The following KAZN variants were observed in gnomAD, a reference collection of about 807,000 sequenced individuals.
The protein encoded by KAZN is kazrin.
KAZN carries 40 observed loss-of-function variants against 87.4 expected under a neutral mutation model. That is an observed-to-expected ratio of 0.46 (90% CI 0.36 to 0.60). The LOEUF (loss-of-function observed/expected upper bound fraction) is 0.60. KAZN is among the 20% of genes least tolerant of loss of function. The pLI is 0.00. For missense variants in KAZN, 898 were observed against 1,073.9 expected, an observed-to-expected ratio of 0.84 and a Z score of 2.29; for synonymous variants, 466 against 458.3, an observed-to-expected ratio of 1.02 and a Z score of -0.22.
At chr1:14,261,777 ATTGTTCCTGAAGTCTGTC>A (rs967097194) in intron 2 of KAZN, among the ~76,000 whole-genome samples, 41 of 152,168 alleles carry the variant, frequency 2.7e-4, no homozygotes, top group African/African-American at 9.2e-4. Flanking sequence ...GCTTAAACGA[ATTGTTCCTGAAGTCTGTC>A]TTGCGGTACT....
intron 2 of KAZN, among the ~76,000 whole-genome samples, chr1:14,200,742 T>C (rs776690338): frequency 6.6e-6 from 1 of 152,218 alleles, no homozygotes; most frequent in Admixed American, 6.5e-5. Flanking sequence ...TTTATTTTTC[T>C]AAGCGAAGTA....
At chr1:14,086,481 C>T (rs1004996625) in intron 1 of KAZN, among the ~76,000 whole-genome samples, 1 of 151,990 alleles carries the variant, frequency 6.6e-6, no homozygotes, top group Non-Finnish European at 1.5e-5. Flanking sequence ...CTATGGTTTG[C>T]CTTTTCATTT....
At chr1:14,963,082 T>G (rs771196347) in intron 2 of KAZN, among the ~76,000 whole-genome samples, 1 of 150,716 alleles carries the variant, frequency 6.6e-6, no homozygotes, top group Non-Finnish European at 1.5e-5. Flanking sequence ...CCTCCTCCCT[T>G]TAGCCCACAA....
chr1:14,425,832 C>G (rs1163517248), intron 2 of KAZN, among the ~76,000 whole-genome samples: 1 of 152,178 alleles, frequency 6.6e-6, no homozygotes, highest in East Asian at 1.9e-4. Flanking sequence ...TCCCAGGTCA[C>G]CTGGCTAGTG....
intron 1 of KAZN, among the ~76,000 whole-genome samples, chr1:14,139,976 A>G (rs71510957): frequency 2.7e-3 from 85 of 30,954 alleles, no homozygotes; most frequent in East Asian, 0.015. Flanking sequence ...TGTGGTATGT[A>G]TGTGTGTGTG....
intron 1 of KAZN, among the ~76,000 whole-genome samples, chr1:14,145,585 C>A (rs569634030): frequency 6.6e-6 from 1 of 151,236 alleles, no homozygotes; most frequent in East Asian, 1.9e-4. Context: ...AGACAGTATA[C>A]CTTTTTTTTT....
chr1:14,612,746 C>T (rs527869265), intron 1 of KAZN, among the ~76,000 whole-genome samples: 1 of 152,260 alleles, frequency 6.6e-6, no homozygotes, highest in South Asian at 2.1e-4. Context: ...CCAATAGCAA[C>T]CCCATTATGT....
chr1:14,872,029 T>C (rs1306900572), intron 1 of KAZN, among the ~76,000 whole-genome samples: 1 of 152,186 alleles, frequency 6.6e-6, no homozygotes, highest in Admixed American at 6.5e-5. Context: ...CAAGAGGCTA[T>C]TGCTGGCAGA....
At chr1:14,073,011 G>A (rs1570671198) in intron 1 of KAZN, among the ~76,000 whole-genome samples, 1 of 152,278 alleles carries the variant, frequency 6.6e-6, no homozygotes, top group South Asian at 2.1e-4. Context: ...ATCTATAAAA[G>A]TTACTCCTTC....
chr1:15,008,349 C>T (rs187141219), intron 2 of KAZN, among the ~76,000 whole-genome samples: 7 of 152,280 alleles, frequency 4.6e-5, no homozygotes, highest in South Asian at 4.1e-4. Context: ...AGGTCTCAGG[C>T]GAGCCTGAGA....
At chr1:14,266,378 A>G (rs1240412982) in intron 2 of KAZN, among the ~76,000 whole-genome samples, 1 of 152,218 alleles carries the variant, frequency 6.6e-6, no homozygotes, top group Non-Finnish European at 1.5e-5. Context: ...CAGATCAACA[A>G]TATGCTAAAG....
chr1:15,001,854 C>T (rs1668510416), intron 2 of KAZN, among the ~76,000 whole-genome samples: 1 of 150,006 alleles, frequency 6.7e-6, no homozygotes, highest in Admixed American at 6.7e-5. Context: ...CCCTCTTGGC[C>T]CCACAAAGTC....
chr1:14,373,233 ATATAAT>A (rs1557671368), intron 2 of KAZN, among the ~76,000 whole-genome samples: 1 of 151,766 alleles, frequency 6.6e-6, no homozygotes, highest in Non-Finnish European at 1.5e-5. Context: ...ATATGCACAC[ATATAAT>A]TATAAGGAAT....
At chr1:14,992,491 A>C (rs1304281661) in intron 2 of KAZN, among the ~76,000 whole-genome samples, 1 of 152,224 alleles carries the variant, frequency 6.6e-6, no homozygotes, top group Non-Finnish European at 1.5e-5. Flanking sequence ...AGCAGCCTTC[A>C]GAGATGCAAA....
intron 1 of KAZN, among the ~76,000 whole-genome samples, chr1:14,853,009 A>G (rs61773569): frequency 0.066 from 10,021 of 152,266 alleles, 434 homozygotes; most frequent in Admixed American, 0.11. Context: ...TCTGAAAGGA[A>G]AAATGGACCA....
chr1:14,834,000 C>CACAT (rs1647135746), intron 1 of KAZN, among the ~76,000 whole-genome samples: 1 of 150,176 alleles, frequency 6.7e-6, no homozygotes, highest in Non-Finnish European at 1.5e-5. Flanking sequence ...CACACACACA[C>CACAT]ACACACACAT....
chr1:14,532,349 T>C (rs189704006), intron 2 of KAZN, among the ~76,000 whole-genome samples: 181 of 152,178 alleles, frequency 1.2e-3, no homozygotes, highest in Middle Eastern at 3.4e-3. Flanking sequence ...ATTGGAGAGA[T>C]GATAAAATTC....
chr1:14,384,580 GT>G (rs1364085984), intron 2 of KAZN, among the ~76,000 whole-genome samples: 3 of 152,108 alleles, frequency 2.0e-5, no homozygotes, highest in African/African-American at 7.2e-5. Flanking sequence ...TAATCATGTG[GT>G]TTTTGTCTTT....
chr1:13,954,487 T>G (rs747632464), intron 1 of KAZN, among the ~76,000 whole-genome samples: 1 of 152,182 alleles, frequency 6.6e-6, no homozygotes, highest in Non-Finnish European at 1.5e-5. Context: ...TGTGTATGAG[T>G]GCATGCAGAA....
Sources: allele counts gnomAD v4.1 joint callset (sites outside exome capture counted in the v4.1 genomes callset), GRCh38; gene constraint gnomAD v4.1.1; transcripts MANE v1.5; gene names NCBI Gene and HGNC (gene_info 2026-07-23, HGNC 2026-07-21).